TCF12: variants seen among roughly 807,000 people sequenced by gnomAD.
The protein encoded by TCF12 is transcription factor 12, also known as DNA-binding protein HTF4.
TCF12 carries 45 observed loss-of-function variants against 86.0 expected under a neutral mutation model. The observed-to-expected ratio is 0.52, with a 90% CI of 0.41 to 0.67. The LOEUF (loss-of-function observed/expected upper bound fraction) is 0.67. Among genes scored for constraint, TCF12 ranks in the 30% least tolerant of loss-of-function variants. The pLI is 0.00. For synonymous variants in TCF12, 330 were observed against 299.6 expected (o/e 1.10, Z -1.05); for missense variants, 881 against 859.9 (o/e 1.02, Z -0.31).
At chr15:56,975,369 T>G (rs2062546241) in intron 3 of TCF12, among the ~76,000 whole-genome samples, 2 of 152,184 alleles carry the variant, frequency 1.3e-5, no homozygotes, top group Admixed American at 1.3e-4. Context: ...ACCTTGCATT[T>G]AAAATAGTTA....
At chr15:57,181,341 C>T (rs908210095) in intron 6 of TCF12, among the ~76,000 whole-genome samples, 3 of 152,156 alleles carry the variant, frequency 2.0e-5, no homozygotes, top group Admixed American at 6.5e-5. Context: ...CCTCCTGCCT[C>T]ACCCTACCAA....
intron 5 of TCF12, among the ~76,000 whole-genome samples, chr15:57,139,161 T>C (rs1023954707): frequency 7.2e-5 from 11 of 152,264 alleles, no homozygotes; most frequent in Admixed American, 5.2e-4. Context: ...CACCTCTCCT[T>C]GACTTCTCTT....
At chr15:56,989,717 G>A (rs1259478248) in intron 3 of TCF12, among the ~76,000 whole-genome samples, 1 of 152,158 alleles carries the variant, frequency 6.6e-6, no homozygotes, top group African/African-American at 2.4e-5. Context: ...GTAAAGTATA[G>A]TACTTTTTGT....
At chr15:57,285,055 T>G (rs1364004921) in intron 20 of TCF12, among the ~76,000 whole-genome samples, 2 of 152,246 alleles carry the variant, frequency 1.3e-5, no homozygotes, top group Admixed American at 1.3e-4. Flanking sequence ...AGAATATGTG[T>G]TAAGGTTGCT....
At chr15:57,035,413 A>C (rs1331933894) in intron 3 of TCF12, among the ~76,000 whole-genome samples, 1 of 152,142 alleles carries the variant, frequency 6.6e-6, no homozygotes, top group Non-Finnish European at 1.5e-5. Flanking sequence ...ACAGGTATGC[A>C]CCACCATGCC....
chr15:57,271,883 G>A (rs1027277815), intron 18 of TCF12, among the ~76,000 whole-genome samples: 5 of 152,128 alleles, frequency 3.3e-5, no homozygotes, highest in African/African-American at 7.2e-5. Context: ...ATTTTGACAA[G>A]TGTAAAAGTT....
chr15:57,075,804 T>TCTCTCTC (rs1567370603), intron 4 of TCF12, among the ~76,000 whole-genome samples: 111 of 28,592 alleles, frequency 3.9e-3, no homozygotes, highest in Non-Finnish European at 5.5e-3. Flanking sequence ...CTTTCTTTCT[T>TCTCTCTC]TCTCTCTCTC....
chr15:56,936,879 T>C (rs994150697), intron 3 of TCF12, among the ~76,000 whole-genome samples: 1 of 152,208 alleles, frequency 6.6e-6, no homozygotes, highest in Non-Finnish European at 1.5e-5. Context: ...GACTATGGCC[T>C]TACAGTCTAG....
chr15:57,137,394 T>G (rs2052629694), intron 5 of TCF12, among the ~76,000 whole-genome samples: 1 of 152,226 alleles, frequency 6.6e-6, no homozygotes. Context: ...ATAATGAAAT[T>G]TTTTTCCACT....
At chr15:56,963,615 T>A (rs2061873349) in intron 3 of TCF12, among the ~76,000 whole-genome samples, 1 of 152,208 alleles carries the variant, frequency 6.6e-6, no homozygotes, top group South Asian at 2.1e-4. Flanking sequence ...GACTCAGTGT[T>A]TTATTTCATT....
rs2151220359 is a variant in TCF12 at position 57,109,616 on chromosome 15, A to G, written c.325+17725A>G. Among the ~76,000 whole-genome samples the G allele has an allele frequency of 2.0e-5, 3 of 152,304 alleles. No homozygotes were observed. The South Asian group carries it at 6.2e-4, about 32-fold the overall frequency. ...GGTTAGCCATTAACTGAATTAGTTCAGATTATTTATCTTAACCTATTGTTG... is the reference window on the plus strand; with the variant it reads ...GGTTAGCCATTAACTGAATTAGTTCGGATTATTTATCTTAACCTATTGTTG... On this transcript the variant is annotated intron_variant, in intron 5 of 20. Transcript: ENST00000333725.
At position 57,223,643 on chromosome 15, in the gene TCF12, G is replaced by GTTTTTTTTTTTTTTTTTTTTTTTTTT. The variant is rs550493641; in HGVS notation, c.580-7506_580-7481dup. On this transcript the variant is annotated intron_variant, in intron 8 of 20. Coordinates refer to ENST00000333725, the MANE Select transcript of TCF12 (RefSeq NM_207037.2). ...GTTTTGGCACCTGCCTACCAATGAG[G>GTTTTTTTTTTTTTTTTTTTTTTTTTT]TTTTTTTTTTTTTTTTTTTTTTTTT... Among the ~76,000 whole-genome samples, 8 of 69,688 alleles carry GTTTTTTTTTTTTTTTTTTTTTTTTTT rather than the reference G, an allele frequency of 1.1e-4. 2 individuals carry two copies. The East Asian group carries it at 1.5e-3, about 13-fold the overall frequency. 45.7% of individuals were successfully genotyped at this position (69,688 alleles called of 152,430 possible).
chr15:56,952,899 A>C (rs183015724), intron 3 of TCF12, among the ~76,000 whole-genome samples: 1 of 150,778 alleles, frequency 6.6e-6, no homozygotes, highest in Non-Finnish European at 1.5e-5. Context: ...TACAATTTTA[A>C]ATAGTGGTGA....
At chr15:57,231,854 A>T (rs1322385095) in intron 9 of TCF12, among the ~76,000 whole-genome samples, 1 of 152,206 alleles carries the variant, frequency 6.6e-6, no homozygotes, top group Non-Finnish European at 1.5e-5. Context: ...TATGGTAATT[A>T]TCAATTACTT....
chr15:57,003,889 G>A (rs2064193463), intron 3 of TCF12, among the ~76,000 whole-genome samples: 1 of 152,086 alleles, frequency 6.6e-6, no homozygotes, highest in Non-Finnish European at 1.5e-5. Context: ...TATTTGGTTG[G>A]CTTCATAAGC....
intron 16 of TCF12, among the ~76,000 whole-genome samples, chr15:57,261,873 T>TA (rs2060602636): frequency 6.6e-6 from 1 of 152,236 alleles, no homozygotes; most frequent in Non-Finnish European, 1.5e-5. Flanking sequence ...TTTCATTTTT[T>TA]AAAAAAGGTA....
chr15:56,929,417 A>G (rs1417911681), intron 3 of TCF12, among the ~76,000 whole-genome samples: 1 of 152,206 alleles, frequency 6.6e-6, no homozygotes, highest in African/African-American at 2.4e-5. Context: ...TTCCAGCCAG[A>G]TCATTCTGTA....
At chr15:57,205,840 T>C (rs1488231951) in intron 8 of TCF12, among the ~76,000 whole-genome samples, 4 of 152,196 alleles carry the variant, frequency 2.6e-5, no homozygotes, top group Admixed American at 6.5e-5. Flanking sequence ...GGTAATGTCT[T>C]TGATGTAATT....
intron 3 of TCF12, among the ~76,000 whole-genome samples, chr15:56,996,065 C>G (rs2063698483): frequency 6.6e-6 from 1 of 152,016 alleles, no homozygotes; most frequent in South Asian, 2.1e-4. Flanking sequence ...GTTTTTAATT[C>G]TGTTTATGTG....
Sources: gnomAD v4.1 joint callset for allele counts (sites outside exome capture counted in the v4.1 genomes callset) on GRCh38, gnomAD v4.1.1 for gene constraint, MANE v1.5 for transcripts, NCBI Gene and HGNC (gene_info 2026-07-23, HGNC 2026-07-21) for gene names.